Variants in PACRG observed in about 807,000 individuals in gnomAD.
PACRG encodes the protein parkin coregulated gene protein.
A neutral mutation model predicts 29.7 loss-of-function variants in PACRG; 29 were observed. The ratio of observed to expected loss-of-function variants is 0.98; its 90% CI spans 0.73 to 1.33. The LOEUF (loss-of-function observed/expected upper bound fraction) is 1.33. PACRG is among the 40% of genes most tolerant of loss of function. The probability of loss-of-function intolerance (pLI) is 0.00; values close to 1 mark genes in which losing one functional copy is unlikely to be tolerated. For synonymous variants in PACRG, 116 were observed against 118.7 expected, an observed-to-expected ratio of 0.98 and a Z score of 0.15; for missense variants, 279 against 316.2, an observed-to-expected ratio of 0.88 and a Z score of 0.89.
At chr6:163,304,321 C>T (rs539814362) in intron 4 of PACRG, among the ~76,000 whole-genome samples, 1 of 152,284 alleles carries the variant, frequency 6.6e-6, no homozygotes, top group African/African-American at 2.4e-5. Context: ...ACCTACCATA[C>T]ACTTTATTTA....
chr6:163,122,107 G>A (rs901728380), intron 4 of PACRG, among the ~76,000 whole-genome samples: 4 of 152,018 alleles, frequency 2.6e-5, no homozygotes, highest in African/African-American at 7.2e-5. Context: ...CCTACTATGG[G>A]CATTGAAATT....
At chr6:162,957,612 G>C (rs7765727) in intron 2 of PACRG, 120,372 of 174,970 alleles carry the variant, frequency 0.69, 41,729 homozygotes, top group East Asian at 0.79. Context: ...CATGGAAGAG[G>C]CTGTGCGTTT....
At chr6:162,753,818 A>C (rs1389645131) in intron 1 of PACRG, among the ~76,000 whole-genome samples, 1 of 152,110 alleles carries the variant, frequency 6.6e-6, no homozygotes, top group Non-Finnish European at 1.5e-5. Context: ...AATTTTCCTG[A>C]GGCCTTCCCA....
At chr6:162,817,176 C>T (rs1032518962) in intron 2 of PACRG, among the ~76,000 whole-genome samples, 2 of 152,212 alleles carry the variant, frequency 1.3e-5, no homozygotes, top group Non-Finnish European at 2.9e-5. Context: ...CTCTCACGGT[C>T]ATTCCAGTCT....
At chr6:162,748,718 G>A (rs1455916887) in intron 1 of PACRG, among the ~76,000 whole-genome samples, 1 of 151,924 alleles carries the variant, frequency 6.6e-6, no homozygotes, top group Non-Finnish European at 1.5e-5. Context: ...CCTCCCCCAG[G>A]TTCACATCCC....
intron 2 of PACRG, among the ~76,000 whole-genome samples, chr6:163,036,679 C>A (rs374357196): frequency 9.2e-5 from 14 of 152,134 alleles, no homozygotes; most frequent in East Asian, 7.7e-4. Context: ...ACTTGTTATC[C>A]CAGATGACTA....
intron 2 of PACRG, among the ~76,000 whole-genome samples, chr6:162,951,643 C>G (rs1390075226): frequency 6.6e-6 from 1 of 152,226 alleles, no homozygotes; most frequent in Admixed American, 6.5e-5. Context: ...ACTTTGAGCA[C>G]CTCAGTTGGC....
At chr6:162,848,910 T>C (rs1381040240) in intron 2 of PACRG, among the ~76,000 whole-genome samples, 1 of 152,206 alleles carries the variant, frequency 6.6e-6, no homozygotes, top group Non-Finnish European at 1.5e-5. Context: ...AAATACACAA[T>C]CAGAGCAGAT....
intron 1 of PACRG, among the ~76,000 whole-genome samples, chr6:162,781,898 A>G (rs938159450): frequency 2.0e-4 from 30 of 151,938 alleles, no homozygotes; most frequent in Non-Finnish European, 3.8e-4. Context: ...AGCAATATGT[A>G]TATTTAAACC....
chr6:162,938,876 G>A (rs1798420360), intron 2 of PACRG, among the ~76,000 whole-genome samples: 1 of 151,900 alleles, frequency 6.6e-6, no homozygotes, highest in Non-Finnish European at 1.5e-5. Context: ...TAATTCATTT[G>A]AGTTCTTTGT....
At chr6:163,132,930 G>A (rs1816794615) in intron 4 of PACRG, among the ~76,000 whole-genome samples, 1 of 152,198 alleles carries the variant, frequency 6.6e-6, no homozygotes, top group Admixed American at 6.5e-5. Flanking sequence ...ATTAGGGAGA[G>A]TAATTTCTAG....
chr6:162,750,870 C>A (rs897640221), intron 1 of PACRG, among the ~76,000 whole-genome samples: 5 of 152,134 alleles, frequency 3.3e-5, no homozygotes, highest in Non-Finnish European at 7.3e-5. Context: ...ATAAACCAGA[C>A]CTTTAGGGAT....
At position 162,853,430 on chromosome 6, in the gene PACRG, C is replaced by T. The variant is rs1025524953; in HGVS notation, c.291+39149C>T. Among the ~76,000 whole-genome samples, 66 of 152,310 alleles carry T rather than the reference C, an allele frequency of 4.3e-4. No homozygotes were observed. The highest frequency in any genetic ancestry group is 1.4e-3 in the African/African-American group (60 of 41,582). ...TACCATTATGTGTTACTATCAGCCTCGAATCATCCTTTCTTATTATTTTAT... is the reference window on the plus strand; with the variant it reads ...TACCATTATGTGTTACTATCAGCCTTGAATCATCCTTTCTTATTATTTTAT... On this transcript the variant is annotated intron_variant, in intron 2 of 4. Transcript: ENST00000366888. This position sits in a 1 kb window ranked among gnomAD's most constrained non-coding sequence, Gnocchi z 4.7.
At chr6:162,751,576 C>A (rs900851118) in intron 1 of PACRG, among the ~76,000 whole-genome samples, 1 of 152,008 alleles carries the variant, frequency 6.6e-6, no homozygotes, top group South Asian at 2.1e-4. Flanking sequence ...TATTCTCAAA[C>A]TTAATTGTCA....
intron 1 of PACRG, among the ~76,000 whole-genome samples, chr6:162,787,318 C>A (rs1784533738): frequency 6.6e-6 from 1 of 151,652 alleles, no homozygotes; most frequent in South Asian, 2.1e-4. Context: ...TAGATTAATA[C>A]CCTATGTTTG....
intron 4 of PACRG, among the ~76,000 whole-genome samples, chr6:163,141,669 T>TA (rs376052936): frequency 1.5e-4 from 22 of 150,864 alleles, no homozygotes; most frequent in African/African-American, 5.1e-4. Flanking sequence ...AAGATCAGAT[T>TA]AAAAAAAAGC....
At chr6:162,949,112 A>G (rs1216730071) in intron 2 of PACRG, among the ~76,000 whole-genome samples, 3 of 152,160 alleles carry the variant, frequency 2.0e-5, no homozygotes, top group Non-Finnish European at 4.4e-5. Context: ...TCCTCAGTAT[A>G]TGAATGCATT....
chr6:163,105,776 A>G (rs1815348786), intron 4 of PACRG, among the ~76,000 whole-genome samples: 1 of 152,162 alleles, frequency 6.6e-6, no homozygotes, highest in Non-Finnish European at 1.5e-5. Flanking sequence ...CAAATCAGTC[A>G]TGGAAAGTTA....
intron 2 of PACRG, among the ~76,000 whole-genome samples, chr6:163,049,327 A>G (rs2128245561): frequency 6.6e-6 from 1 of 152,246 alleles, no homozygotes; most frequent in East Asian, 1.9e-4. Flanking sequence ...CTTACATTTT[A>G]TACCAGGAAA....
Sources: allele counts gnomAD v4.1 joint callset (sites outside exome capture counted in the v4.1 genomes callset), GRCh38; gene constraint gnomAD v4.1.1; non-coding constraint Gnocchi (gnomAD v3.1); transcripts MANE v1.5; gene names NCBI Gene and HGNC (gene_info 2026-07-23, HGNC 2026-07-21).